The following FRMD4B variants were observed in gnomAD, a reference collection of about 807,000 sequenced individuals.
FRMD4B encodes the protein FERM domain containing 4B.
Under a neutral mutation model 141.5 loss-of-function variants are expected in FRMD4B, and 74 were observed. That is an observed-to-expected ratio of 0.52 (90% CI 0.43 to 0.63). FRMD4B has a LOEUF of 0.63. Among genes scored for constraint, FRMD4B ranks in the 30% least tolerant of loss-of-function variants. The probability of loss-of-function intolerance (pLI) is 0.00; values close to 1 mark genes in which losing one functional copy is unlikely to be tolerated. For synonymous variants in FRMD4B, 506 were observed against 467.9 expected, an observed-to-expected ratio of 1.08 and a Z score of -1.05; for missense variants, 1,366 against 1,253.4, an observed-to-expected ratio of 1.09 and a Z score of -1.36.
At chr3:69,455,266 G>A (rs1021808191) in intron 1 of FRMD4B, among the ~76,000 whole-genome samples, 1 of 152,342 alleles carries the variant, frequency 6.6e-6, no homozygotes. Flanking sequence ...AGAGGCCACA[G>A]CAGTGATAGG....
chr3:69,280,651 A>C (rs2093640568), intron 5 of FRMD4B, among the ~76,000 whole-genome samples: 1 of 152,082 alleles, frequency 6.6e-6, no homozygotes, highest in Non-Finnish European at 1.5e-5. Context: ...GACGTTAACC[A>C]CCACACTTGC....
chr3:69,477,437 C>T (rs1417759977), intron 1 of FRMD4B, among the ~76,000 whole-genome samples: 1 of 150,756 alleles, frequency 6.6e-6, no homozygotes, highest in Non-Finnish European at 1.5e-5. Context: ...TTGTCAAAGG[C>T]CTTTTCTGCA....
At chr3:69,372,914 C>T (rs754965855) in intron 1 of FRMD4B, among the ~76,000 whole-genome samples, 4 of 152,104 alleles carry the variant, frequency 2.6e-5, no homozygotes, top group Admixed American at 2.6e-4. Flanking sequence ...GAGTAACTTG[C>T]CCAGGGTTAT....
At chr3:69,250,753 A>G (rs1177804201) in intron 5 of FRMD4B, among the ~76,000 whole-genome samples, 1 of 150,242 alleles carries the variant, frequency 6.7e-6, no homozygotes, top group Non-Finnish European at 1.5e-5. Flanking sequence ...TTATCATTCA[A>G]AACCCCAAAG....
intron 1 of FRMD4B, chr3:69,377,262 A>G (rs1039420461): frequency 4.6e-5 from 7 of 152,154 alleles, no homozygotes; most frequent in East Asian, 3.9e-4. Context: ...TTATCACCCA[A>G]ATTTTCTCTC....
At chr3:69,250,224 C>T (rs2093453808) in intron 5 of FRMD4B, 125 bp from the exon 6 acceptor site, 1 of 758,194 alleles carries the variant, frequency 1.3e-6, no homozygotes, top group Non-Finnish European at 2.4e-6. Context: ...CAGATCATAC[C>T]ATTGCAGGGG....
chr3:69,508,850 C>A (rs904420), intron 1 of FRMD4B, among the ~76,000 whole-genome samples: 83,977 of 152,014 alleles, frequency 0.55, 23,868 homozygotes, highest in African/African-American at 0.7. Flanking sequence ...CAACCACCTA[C>A]AAGGTGGGTA....
intron 2 of FRMD4B, among the ~76,000 whole-genome samples, chr3:69,403,305 G>A (rs2106757667): frequency 6.6e-6 from 1 of 152,352 alleles, no homozygotes; most frequent in South Asian, 2.1e-4. Flanking sequence ...ACCAAGCCAT[G>A]TTAATGTTCT....
chr3:69,344,420 G>A (rs914449503), intron 1 of FRMD4B, among the ~76,000 whole-genome samples: 5 of 152,192 alleles, frequency 3.3e-5, no homozygotes, highest in African/African-American at 9.7e-5. Context: ...GACAGATAGA[G>A]CTGTAATATA....
chr3:69,396,273 G>A (rs906262336), intron 2 of FRMD4B, among the ~76,000 whole-genome samples: 1 of 152,132 alleles, frequency 6.6e-6, no homozygotes, highest in Non-Finnish European at 1.5e-5. Context: ...CTGGGAGGCC[G>A]AGGTGGGTGG....
rs138374424 is a variant in FRMD4B at position 69,183,725 on chromosome 3, G to A, written c.1920-1008C>T. 2.1e-3 allele frequency among the ~76,000 whole-genome samples: 317 copies of A among 151,756 alleles called. 1 individual carries two copies. The highest frequency in any genetic ancestry group is 6.9e-3 in the African/African-American group (286 of 41,412). ...TCTCGATCTCCTGACCTTGTGATCC[G>A]CCCACCTCGGCCTCCCAAAGTGCTG... is the stretch of plus-strand genomic sequence containing the variant. On this transcript the variant is annotated intron_variant, in intron 19 of 22. Transcript: ENST00000398540.
intron 4 of FRMD4B, among the ~76,000 whole-genome samples, chr3:69,290,854 C>T (rs933937208): frequency 2.6e-5 from 4 of 152,280 alleles, no homozygotes; most frequent in Middle Eastern, 6.8e-3. Flanking sequence ...ACTCTGTGGA[C>T]AGTGCTCTTA....
intron 2 of FRMD4B, among the ~76,000 whole-genome samples, chr3:69,391,247 T>C: frequency 6.9e-6 from 1 of 144,344 alleles, no homozygotes; most frequent in Non-Finnish European, 1.5e-5. Context: ...TATTTATTTT[T>C]ATTTTTTTTT....
At chr3:69,311,600 A>C (rs1416368826) in intron 2 of FRMD4B, among the ~76,000 whole-genome samples, 2 of 152,176 alleles carry the variant, frequency 1.3e-5, no homozygotes, top group African/African-American at 4.8e-5. Flanking sequence ...AATTCACTCA[A>C]GTACCTTACA....
At chr3:69,204,786 C>T (rs1433391708) in intron 11 of FRMD4B, among the ~76,000 whole-genome samples, 1 of 152,150 alleles carries the variant, frequency 6.6e-6, no homozygotes, top group Admixed American at 6.5e-5. Flanking sequence ...AAACTAAGCG[C>T]TCAGCTGGAG....
chr3:69,253,625 C>T (rs1258791075), intron 5 of FRMD4B, among the ~76,000 whole-genome samples: 2 of 152,042 alleles, frequency 1.3e-5, no homozygotes, highest in Admixed American at 6.6e-5. Flanking sequence ...ACTGGGACAC[C>T]TCAGTTTGTT....
intron 1 of FRMD4B, among the ~76,000 whole-genome samples, chr3:69,345,275 AGTGAGGCTGGGGTAGGGGTACCC>A (rs1165416789): frequency 1.3e-5 from 2 of 152,204 alleles, no homozygotes; most frequent in Non-Finnish European, 2.9e-5. Context: ...GCAAGGAGGC[AGTGAGGCTGGGGTAGGGGTACCC>A]GCCATTGCTG....
chr3:69,487,757 C>T lies in FRMD4B; in HGVS notation c.-129+54449G>A, dbSNP rs189457831. Reference sequence around the variant, plus strand: ...GCTGAGGCAGTTGGAGTGCTAGCCACATGAGGATGGCCCACAGATAAAGCT... The same window carrying T: ...GCTGAGGCAGTTGGAGTGCTAGCCATATGAGGATGGCCCACAGATAAAGCT... On this transcript the variant is annotated intron_variant, in intron 1 of 5. Transcript: ENST00000459638. Among the ~76,000 whole-genome samples the T allele has an allele frequency of 2.5e-4, 38 of 152,298 alleles. 1 individual carries two copies. The highest frequency in any genetic ancestry group is 8.2e-4 in the African/African-American group (34 of 41,566).
chr3:69,420,287 T>C lies in FRMD4B; in HGVS notation c.-1+12347A>G, dbSNP rs1439464740. On this transcript the variant is annotated intron_variant, in intron 2 of 5. Coordinates refer to the FRMD4B transcript ENST00000459638. ...CAGGTGTAACTTGTATGAAAAGGGA[T>C]ATCAAAAAAAAAAAAAAACAACCAA... Among the ~76,000 whole-genome samples, 3 of 54,902 alleles carry C rather than the reference T, an allele frequency of 5.5e-5. No homozygotes were observed. The East Asian group carries it at 2.7e-3, about 49-fold the overall frequency. 36.0% of individuals were successfully genotyped at this position (54,902 alleles called of 152,430 possible). A position where few individuals can be genotyped will look rare whatever the true frequency, so the allele number is the denominator to read the frequency against.
Sources: gnomAD v4.1 joint callset for allele counts (sites outside exome capture counted in the v4.1 genomes callset) on GRCh38, gnomAD v4.1.1 for gene constraint, MANE v1.5 for transcripts, NCBI Gene and HGNC (gene_info 2026-07-23, HGNC 2026-07-21) for gene names.